ATRNL1: variants seen among roughly 807,000 people sequenced by gnomAD.
ATRNL1 encodes attractin-like protein 1.
ATRNL1 carries 95 observed loss-of-function variants against 182.7 expected under a neutral mutation model. The observed-to-expected ratio is 0.52, with a 90% CI of 0.44 to 0.62. The LOEUF is 0.62. Among genes scored for constraint, ATRNL1 ranks in the 20% least tolerant of loss-of-function variants. ATRNL1 has a pLI of 0.00. For missense variants in ATRNL1, 1,471 were observed against 1,679.5 expected (o/e 0.88, Z 2.17); for synonymous variants, 576 against 568.3 (o/e 1.01, Z -0.19).
chr10:115,936,140 T>C (rs1953549808), intron 28 of ATRNL1, among the ~76,000 whole-genome samples: 1 of 152,248 alleles, frequency 6.6e-6, no homozygotes, highest in African/African-American at 2.4e-5. Context: ...AGGCAAAATC[T>C]TTGCGTGCCC....
intron 28 of ATRNL1, among the ~76,000 whole-genome samples, chr10:115,867,314 G>A (rs1300637516): frequency 6.6e-6 from 1 of 152,050 alleles, no homozygotes; most frequent in African/African-American, 2.4e-5. Flanking sequence ...TAGATTTAAT[G>A]TCATCTTGAT....
intron 28 of ATRNL1, among the ~76,000 whole-genome samples, chr10:115,869,479 CAG>C (rs1446406036): frequency 6.9e-4 from 105 of 152,146 alleles, no homozygotes; most frequent in African/African-American, 2.5e-3. Flanking sequence ...GTGCTGTGGA[CAG>C]GGGAGGTGGA....
chr10:115,573,913 G>A (rs530436811), intron 26 of ATRNL1, among the ~76,000 whole-genome samples: 1 of 152,074 alleles, frequency 6.6e-6, no homozygotes, highest in African/African-American at 2.4e-5. Flanking sequence ...CAAATGCCAG[G>A]TATGTAATTA....
intron 22 of ATRNL1, among the ~76,000 whole-genome samples, chr10:115,463,244 C>A (rs540618844): frequency 6.9e-6 from 1 of 144,690 alleles, no homozygotes. Flanking sequence ...CTGTCTCCCC[C>A]ATCACCAAAA....
At chr10:115,318,777 C>G (rs1241954944) in intron 18 of ATRNL1, among the ~76,000 whole-genome samples, 1 of 151,830 alleles carries the variant, frequency 6.6e-6, no homozygotes, top group Non-Finnish European at 1.5e-5. Context: ...TATGATTCTT[C>G]TTTATTTTCT....
In ATRNL1 at chr10:115,307,801, T is replaced by C. The variant is rs561705666; in HGVS notation, c.2818+5758T>C. ...AGGGACTAGGAGTAAAATGACATTC[T>C]TGTTCAAAATACAAGTTAAAAGTAG... On this transcript the variant is annotated intron_variant, in intron 17 of 28. Transcript: ENST00000355044. Among the ~76,000 whole-genome samples the C allele has an allele frequency of 1.9e-4, 29 of 152,294 alleles. No individual in the cohort carries two copies. The East Asian group carries it at 5.4e-3, about 28-fold the overall frequency.
At chr10:115,650,661 T>TC (rs1268565692) in intron 26 of ATRNL1, among the ~76,000 whole-genome samples, 2 of 152,096 alleles carry the variant, frequency 1.3e-5, no homozygotes, top group African/African-American at 4.8e-5. Context: ...TGTTTTGTCT[T>TC]CTTTTTTTAA....
At chr10:115,657,379 A>G (rs4751921) in intron 26 of ATRNL1, among the ~76,000 whole-genome samples, 44,226 of 152,020 alleles carry the variant, frequency 0.29, 7,580 homozygotes, top group East Asian at 0.7. Flanking sequence ...GTACAGTGAC[A>G]TTTTTTGAAA....
chr10:115,116,684 G>A (rs1005070171), intron 1 of ATRNL1, among the ~76,000 whole-genome samples: 37 of 151,972 alleles, frequency 2.4e-4, no homozygotes, highest in Admixed American at 6.6e-5. Flanking sequence ...TCCCCTTTAC[G>A]CATGTCTTTT....
At chr10:115,805,295 T>G (rs2134244011) in intron 27 of ATRNL1, among the ~76,000 whole-genome samples, 1 of 152,344 alleles carries the variant, frequency 6.6e-6, no homozygotes, top group South Asian at 2.1e-4. Context: ...AAGCAAATTG[T>G]GTTGGCTTCA....
chr10:115,105,403 C>T (rs1268401564), intron 1 of ATRNL1, among the ~76,000 whole-genome samples: 3 of 152,268 alleles, frequency 2.0e-5, no homozygotes, highest in Admixed American at 1.3e-4. Context: ...AAATGTACAG[C>T]CTGACAATGA....
intron 8 of ATRNL1, among the ~76,000 whole-genome samples, chr10:115,203,745 A>ATTTTT (rs71476116): frequency 2.6e-4 from 28 of 105,972 alleles, no homozygotes; most frequent in South Asian, 6.2e-4. Context: ...ATGCCTGGCT[A>ATTTTT]TTTTTTTTTT....
At chr10:115,704,051 C>G (rs1369642091) in intron 26 of ATRNL1, among the ~76,000 whole-genome samples, 1 of 151,894 alleles carries the variant, frequency 6.6e-6, no homozygotes, top group Admixed American at 6.6e-5. Context: ...TAAAGACAGT[C>G]AGTTTTCACT....
intron 25 of ATRNL1, among the ~76,000 whole-genome samples, chr10:115,542,951 A>C (rs530215279): frequency 7.9e-5 from 12 of 152,312 alleles, no homozygotes; most frequent in African/African-American, 2.9e-4. Flanking sequence ...ATATCAGATC[A>C]GAATCCCATG....
chr10:115,880,827 T>C (rs1460412429), intron 28 of ATRNL1, among the ~76,000 whole-genome samples: 2 of 152,146 alleles, frequency 1.3e-5, no homozygotes, highest in Non-Finnish European at 2.9e-5. Context: ...CTGCAATGTA[T>C]GGTAATCAAT....
intron 5 of ATRNL1, among the ~76,000 whole-genome samples, chr10:115,138,123 C>G (rs1845598814): frequency 6.6e-6 from 1 of 152,208 alleles, no homozygotes; most frequent in Admixed American, 6.5e-5. Context: ...CCGGGTCACG[C>G]TGATGCAAGA....
At chr10:115,281,245 G>A in intron 13 of ATRNL1, 110 bp from the exon 14 acceptor site, 2 of 828,576 alleles carry the variant, frequency 2.4e-6, no homozygotes, top group Non-Finnish European at 3.6e-6. Context: ...ATTGTATTTG[G>A]AGTTAGAAAT....
chr10:115,153,350 A>G (rs572314561), intron 5 of ATRNL1, among the ~76,000 whole-genome samples: 1 of 152,182 alleles, frequency 6.6e-6, no homozygotes, highest in East Asian at 1.9e-4. Flanking sequence ...CTGGTCCTGG[A>G]CATTTTTTGG....
At chr10:115,318,104 G>A (rs1554930260) in intron 18 of ATRNL1, among the ~76,000 whole-genome samples, 1 of 152,258 alleles carries the variant, frequency 6.6e-6, no homozygotes, top group African/African-American at 2.4e-5. Context: ...TAACATGAAA[G>A]GATTTTGAAT....
Sources: gnomAD v4.1 joint callset for allele counts (sites outside exome capture counted in the v4.1 genomes callset) on GRCh38, gnomAD v4.1.1 for gene constraint, MANE v1.5 for transcripts, NCBI Gene and HGNC (gene_info 2026-07-23, HGNC 2026-07-21) for gene names.